The following CPNE8 variants were observed in gnomAD, a reference collection of about 807,000 sequenced individuals.
CPNE8 encodes the protein copine 8, also known as copine-8.
In CPNE8, 45 loss-of-function variants were observed where a neutral mutation model predicts 81.5. The ratio of observed to expected loss-of-function variants is 0.55; its 90% confidence interval spans 0.44 to 0.71. The LOEUF is 0.71. Ranked by LOEUF, CPNE8 falls within the 30% of genes least tolerant of loss-of-function variation. The pLI is 0.00. For missense variants in CPNE8, 594 were observed against 672.1 expected (o/e 0.88, Z 1.28); for synonymous variants, 252 against 226.3 (o/e 1.11, Z -1.02).
At chr12:38,715,076 AT>A (rs536899751) in intron 13 of CPNE8, among the ~76,000 whole-genome samples, 99 of 151,986 alleles carry the variant, frequency 6.5e-4, no homozygotes, top group Admixed American at 9.8e-4. Context: ...TGATTCCATT[AT>A]TTTTTTGTGA....
intron 1 of CPNE8, among the ~76,000 whole-genome samples, chr12:38,896,031 A>G (rs1475171667): frequency 6.6e-6 from 1 of 152,152 alleles, no homozygotes; most frequent in Non-Finnish European, 1.5e-5. Context: ...GAATTAGCCC[A>G]CATTAACCAC....
At chr12:38,749,019 T>C (rs374207112) in intron 10 of CPNE8, among the ~76,000 whole-genome samples, 6 of 152,300 alleles carry the variant, frequency 3.9e-5, no homozygotes, top group African/African-American at 1.4e-4. Context: ...TTTGGCTCTG[T>C]GTCCCCACCC....
rs1491219731 is a variant in CPNE8 at position 38,717,427 on chromosome 12, G to GTATA, written c.914+6344_914+6345insTATA. ...CCAACAAGTAAACAAAGAAAGTGTG[G>GTATA]TGTATATATATATATATATATATAT... On this transcript the variant is annotated intron_variant, in intron 13 of 19. Coordinates refer to ENST00000331366, the MANE Select transcript of CPNE8 (RefSeq NM_153634.3). Among the ~76,000 whole-genome samples, 641 of 69,524 alleles carry GTATA rather than the reference G, an allele frequency of 9.2e-3. 50 individuals are homozygous for GTATA. The highest frequency in any genetic ancestry group is 0.05 in the East Asian group (67 of 1,352). 45.6% of individuals were successfully genotyped at this position (69,524 alleles called of 152,430 possible).
At chr12:38,807,074 A>G (rs1942826216) in intron 6 of CPNE8, among the ~76,000 whole-genome samples, 1 of 152,184 alleles carries the variant, frequency 6.6e-6, no homozygotes, top group African/African-American at 2.4e-5. Flanking sequence ...CAGGAGAACT[A>G]CAAACCACTG....
At chr12:38,826,082 C>T (rs1285542575) in intron 6 of CPNE8, among the ~76,000 whole-genome samples, 1 of 152,148 alleles carries the variant, frequency 6.6e-6, no homozygotes, top group Non-Finnish European at 1.5e-5. Flanking sequence ...CTCTTTGCTA[C>T]ACTCAAGCTT....
chr12:38,877,197 A>G (rs774945589), intron 1 of CPNE8, among the ~76,000 whole-genome samples: 37 of 152,220 alleles, frequency 2.4e-4, no homozygotes, highest in Non-Finnish European at 3.4e-4. Flanking sequence ...AATTTTACCT[A>G]CCACATGAAT....
intron 13 of CPNE8, among the ~76,000 whole-genome samples, chr12:38,705,632 T>G (rs1318928194): frequency 1.3e-5 from 2 of 152,114 alleles, no homozygotes; most frequent in East Asian, 1.9e-4. Context: ...AAAAGCCCCT[T>G]TGAGGGATTG....
intron 10 of CPNE8, among the ~76,000 whole-genome samples, chr12:38,756,908 G>T (rs897315650): frequency 6.6e-6 from 1 of 152,052 alleles, no homozygotes; most frequent in African/African-American, 2.4e-5. Context: ...CAAAGACTTA[G>T]TATTTTTAAA....
At chr12:38,792,398 A>T (rs1942347172) in intron 6 of CPNE8, among the ~76,000 whole-genome samples, 2 of 151,530 alleles carry the variant, frequency 1.3e-5, no homozygotes, top group African/African-American at 4.8e-5. Flanking sequence ...GAAAGAGGGG[A>T]CAATACAACT....
chr12:38,828,924 T>A (rs908914236), intron 6 of CPNE8, among the ~76,000 whole-genome samples: 4 of 152,280 alleles, frequency 2.6e-5, no homozygotes, highest in African/African-American at 7.2e-5. Context: ...TTCTTAGTGA[T>A]TACCTTCTCC....
At chr12:38,795,560 C>A (rs1175980178) in intron 6 of CPNE8, among the ~76,000 whole-genome samples, 5 of 152,086 alleles carry the variant, frequency 3.3e-5, no homozygotes, top group Admixed American at 1.3e-4. Flanking sequence ...AGGCAGAAAT[C>A]CCATAACATA....
chr12:38,857,524 T>A (rs1054225220), intron 3 of CPNE8, among the ~76,000 whole-genome samples: 2 of 152,238 alleles, frequency 1.3e-5, no homozygotes, highest in African/African-American at 4.8e-5. Context: ...CTAGAGTTTT[T>A]AAGATATTAC....
chr12:38,725,899 C>CT (rs1940685094), intron 11 of CPNE8, among the ~76,000 whole-genome samples: 1 of 152,124 alleles, frequency 6.6e-6, no homozygotes, highest in African/African-American at 2.4e-5. Context: ...AGTCCTCAAC[C>CT]TTTTTGGCAC....
chr12:38,779,895 A>T (rs1423517162), intron 6 of CPNE8, among the ~76,000 whole-genome samples: 1 of 152,130 alleles, frequency 6.6e-6, no homozygotes. Context: ...GGAAATGGAC[A>T]TATGGATAAC....
At chr12:38,717,806 A>G (rs1250895144) in intron 13 of CPNE8, among the ~76,000 whole-genome samples, 3 of 151,788 alleles carry the variant, frequency 2.0e-5, no homozygotes, top group Admixed American at 2.0e-4. Flanking sequence ...CCCCCAAAAA[A>G]CTATAAAGAA....
chr12:38,677,279 C>T (rs986287987), intron 17 of CPNE8, among the ~76,000 whole-genome samples, 173 bp downstream of exon 17: 2 of 151,808 alleles, frequency 1.3e-5, no homozygotes, highest in Non-Finnish European at 2.9e-5. Context: ...AGCTTGATCC[C>T]CCTGGATCAG....
chr12:38,829,803 G>A lies in CPNE8; in HGVS notation c.331-348C>T, dbSNP rs192184728. Among the ~76,000 whole-genome samples the A allele has an allele frequency of 3.5e-4, 54 of 152,268 alleles. No homozygotes were observed. The East Asian group carries it at 7.3e-3, about 21-fold the overall frequency. The stretch of plus-strand genomic sequence containing the variant: ...CTCTGAATTACTGGAATTGTTGGCT[G>A]AGGAGACAAAATGAGAAAGCCCACA... On this transcript the variant is annotated intron_variant, in intron 5 of 19. Transcript: ENST00000331366.
At chr12:38,762,951 C>CG (rs1312701676) in intron 8 of CPNE8, among the ~76,000 whole-genome samples, 2 of 152,166 alleles carry the variant, frequency 1.3e-5, no homozygotes, top group African/African-American at 4.8e-5. Flanking sequence ...CTCTGCCGCC[C>CG]GGGTTCATGC....
chr12:38,760,310 T>C (rs879142266), intron 10 of CPNE8, among the ~76,000 whole-genome samples: 62 of 151,696 alleles, frequency 4.1e-4, no homozygotes, highest in African/African-American at 1.4e-3. Flanking sequence ...AAAAAATGAG[T>C]TTCCTCTCTT....
Sources: allele counts gnomAD v4.1 joint callset (sites outside exome capture counted in the v4.1 genomes callset), GRCh38; gene constraint gnomAD v4.1.1; transcripts MANE v1.5; gene names NCBI Gene and HGNC (gene_info 2026-07-23, HGNC 2026-07-21).